UNC5C: variants seen among roughly 807,000 people sequenced by gnomAD.
The protein encoded by UNC5C is netrin receptor UNC5C.
A neutral mutation model predicts 99.8 loss-of-function variants in UNC5C; 47 were observed. The observed-to-expected ratio is 0.47, with a 90% CI of 0.37 to 0.60. The LOEUF (loss-of-function observed/expected upper bound fraction) is 0.60. Ranked by LOEUF, UNC5C falls within the 20% of genes least tolerant of loss-of-function variation. The pLI is 0.00. For synonymous variants in UNC5C, 487 were observed against 452.2 expected, an observed-to-expected ratio of 1.08 and a Z score of -0.98; for missense variants, 1,062 against 1,165.9, an observed-to-expected ratio of 0.91 and a Z score of 1.30.
chr4:95,543,471 C>T (rs1444836413), intron 1 of UNC5C, among the ~76,000 whole-genome samples: 1 of 152,152 alleles, frequency 6.6e-6, no homozygotes, highest in Non-Finnish European at 1.5e-5. Context: ...CTTCCTATTG[C>T]AAATATAGTT....
chr4:95,415,777 A>G (rs1746144701), intron 1 of UNC5C, among the ~76,000 whole-genome samples: 1 of 152,162 alleles, frequency 6.6e-6, no homozygotes, highest in African/African-American at 2.4e-5. Context: ...TGGAATAACT[A>G]GAGTAGGTTT....
At chr4:95,443,312 T>C (rs1413408170) in intron 1 of UNC5C, among the ~76,000 whole-genome samples, 4 of 152,188 alleles carry the variant, frequency 2.6e-5, no homozygotes, top group Non-Finnish European at 5.9e-5. Flanking sequence ...CAGAGGTCTT[T>C]GTGTATTTTT....
At chr4:95,331,829 T>C (rs1165333253) in intron 2 of UNC5C, among the ~76,000 whole-genome samples, 1 of 152,082 alleles carries the variant, frequency 6.6e-6, no homozygotes, top group East Asian at 1.9e-4. Flanking sequence ...TAGCATGAAA[T>C]TGTTATAAGC....
intron 3 of UNC5C, among the ~76,000 whole-genome samples, chr4:95,296,849 T>C (rs1459141951): frequency 1.3e-5 from 2 of 152,250 alleles, no homozygotes; most frequent in Non-Finnish European, 2.9e-5. Flanking sequence ...AGTATTTTTC[T>C]TTATAATTAA....
chr4:95,537,708 C>T (rs769281930), intron 1 of UNC5C, among the ~76,000 whole-genome samples: 40 of 152,276 alleles, frequency 2.6e-4, no homozygotes, highest in Non-Finnish European at 3.4e-4. Context: ...TCATTTCAGA[C>T]AGCAATAATG....
intron 1 of UNC5C, among the ~76,000 whole-genome samples, chr4:95,384,031 C>A (rs1745143759): frequency 6.6e-6 from 1 of 152,204 alleles, no homozygotes; most frequent in East Asian, 1.9e-4. Flanking sequence ...ATAGTATTAA[C>A]TAATTTAACT....
chr4:95,530,613 T>C (rs966286689), intron 1 of UNC5C, among the ~76,000 whole-genome samples: 6 of 152,300 alleles, frequency 3.9e-5, no homozygotes, highest in African/African-American at 1.2e-4. Context: ...TGAAGTATAT[T>C]GCACTATCAA....
chr4:95,531,739 T>A (rs1268322971), intron 1 of UNC5C, among the ~76,000 whole-genome samples: 1 of 152,248 alleles, frequency 6.6e-6, no homozygotes, highest in Admixed American at 6.5e-5. Flanking sequence ...TTTATTTTAC[T>A]ACTCTACCCC....
chr4:95,467,060 C>T (rs1197877154), intron 1 of UNC5C, among the ~76,000 whole-genome samples: 1 of 152,092 alleles, frequency 6.6e-6, no homozygotes, highest in South Asian at 2.1e-4. Flanking sequence ...AGGCCTCCTG[C>T]CAACAGCCAC....
chr4:95,242,392 C>T, intron 7 of UNC5C, 37 bp downstream of exon 7: 9 of 1,611,762 alleles, frequency 5.6e-6, no homozygotes, highest in Non-Finnish European at 7.6e-6. Context: ...CAATCTCCAG[C>T]CCCCTCAATG....
At chr4:95,441,091 A>G (rs1288834598) in intron 1 of UNC5C, among the ~76,000 whole-genome samples, 1 of 152,192 alleles carries the variant, frequency 6.6e-6, no homozygotes, top group African/African-American at 2.4e-5. Context: ...AGAATTTCTG[A>G]TTTCTAAATT....
intron 2 of UNC5C, among the ~76,000 whole-genome samples, chr4:95,308,356 C>T (rs1266351491): frequency 1.3e-5 from 2 of 151,770 alleles, no homozygotes; most frequent in Non-Finnish European, 2.9e-5. Context: ...TGTATAATAG[C>T]TATAAAAATA....
chr4:95,212,927 C>T (rs1219450107), intron 10 of UNC5C, among the ~76,000 whole-genome samples: 2 of 152,242 alleles, frequency 1.3e-5, no homozygotes. Flanking sequence ...CCCGGTTCCT[C>T]CTCCTCCTCT....
chr4:95,491,472 A>G (rs1000061922), intron 1 of UNC5C, among the ~76,000 whole-genome samples: 2 of 151,580 alleles, frequency 1.3e-5, no homozygotes, highest in Non-Finnish European at 1.5e-5. Context: ...AAGTCAGTAA[A>G]ATAGCCATTC....
intron 1 of UNC5C, among the ~76,000 whole-genome samples, chr4:95,391,936 C>T (rs988257233): frequency 7.9e-5 from 12 of 151,972 alleles, no homozygotes; most frequent in African/African-American, 2.4e-4. Flanking sequence ...ACACCCCTGT[C>T]GTCCCAGCTA....
At chr4:95,481,961 T>C (rs1721170459) in intron 1 of UNC5C, among the ~76,000 whole-genome samples, 1 of 152,092 alleles carries the variant, frequency 6.6e-6, no homozygotes, top group African/African-American at 2.4e-5. Flanking sequence ...AAGGACTTCA[T>C]GTATAAAACA....
At chr4:95,362,260 G>A (rs1034420467) in intron 1 of UNC5C, among the ~76,000 whole-genome samples, 1 of 152,052 alleles carries the variant, frequency 6.6e-6, no homozygotes, top group Non-Finnish European at 1.5e-5. Flanking sequence ...CTGCCCATCG[G>A]AGCGTTCCAA....
At chr4:95,246,786 G>A (rs115194097) in intron 5 of UNC5C, among the ~76,000 whole-genome samples, 1,784 of 152,140 alleles carry the variant, frequency 0.012, 44 homozygotes, top group African/African-American at 0.04. Flanking sequence ...TATGCCAGGT[G>A]CAGTGGCTCA....
intron 1 of UNC5C, among the ~76,000 whole-genome samples, chr4:95,425,022 T>C (rs985091446): frequency 2.0e-5 from 3 of 152,194 alleles, no homozygotes; most frequent in Admixed American, 6.5e-5. Flanking sequence ...TACATTTTTT[T>C]TCATTTCAAA....
Sources: gnomAD v4.1 joint callset for allele counts (sites outside exome capture counted in the v4.1 genomes callset) on GRCh38, gnomAD v4.1.1 for gene constraint, MANE v1.5 for transcripts, NCBI Gene and HGNC (gene_info 2026-07-23, HGNC 2026-07-21) for gene names.